CRPPA: variants seen among roughly 807,000 people sequenced by gnomAD.
The protein encoded by CRPPA is CDP-L-ribitol pyrophosphorylase A.
In CRPPA, 43 loss-of-function variants were observed where a neutral mutation model predicts 52.0. The observed-to-expected ratio is 0.83, with a 90% confidence interval of 0.65 to 1.07. The LOEUF (loss-of-function observed/expected upper bound fraction) is 1.07. CRPPA is among the 50% of genes least tolerant of loss of function. The probability of loss-of-function intolerance (pLI) is 0.00; values close to 1 mark genes in which losing one functional copy is unlikely to be tolerated. For missense variants in CRPPA, 629 were observed against 551.7 expected, an observed-to-expected ratio of 1.14 and a Z score of -1.40; for synonymous variants, 250 against 203.5, an observed-to-expected ratio of 1.23 and a Z score of -1.94.
intron 6 of CRPPA, among the ~76,000 whole-genome samples, chr7:16,259,744 T>C (rs1446437761): frequency 6.6e-6 from 1 of 151,962 alleles, no homozygotes; most frequent in East Asian, 1.9e-4. Context: ...CCACAGGAAA[T>C]CACATTTCAG....
intron 2 of CRPPA, among the ~76,000 whole-genome samples, chr7:16,385,935 T>C (rs1583567261): frequency 6.6e-6 from 1 of 152,110 alleles, no homozygotes; most frequent in Non-Finnish European, 1.5e-5. Flanking sequence ...TAGGGGTGGG[T>C]ACCCATGACT....
chr7:16,210,919 T>G (rs1339876670), intron 9 of CRPPA, among the ~76,000 whole-genome samples: 1 of 151,468 alleles, frequency 6.6e-6, no homozygotes, highest in Non-Finnish European at 1.5e-5. Context: ...AATACATCAG[T>G]AGGGTGACAA....
At chr7:16,116,070 C>T (rs1022111473) in intron 9 of CRPPA, among the ~76,000 whole-genome samples, 4 of 152,106 alleles carry the variant, frequency 2.6e-5, no homozygotes, top group East Asian at 3.9e-4. Flanking sequence ...GATTAAAAAT[C>T]GGGATATTTA....
intron 8 of CRPPA, among the ~76,000 whole-genome samples, chr7:16,230,922 G>A (rs375226219): frequency 6.6e-6 from 1 of 152,212 alleles, no homozygotes; most frequent in East Asian, 1.9e-4. Context: ...ACTGACACAA[G>A]TCTGGTGGTG....
chr7:16,297,152 T>C (rs1267299317), intron 5 of CRPPA, among the ~76,000 whole-genome samples: 1 of 152,178 alleles, frequency 6.6e-6, no homozygotes, highest in Non-Finnish European at 1.5e-5. Context: ...ATAATGGATC[T>C]TGCTCTTACC....
intron 3 of CRPPA, among the ~76,000 whole-genome samples, chr7:16,350,806 C>T (rs185914543): frequency 3.3e-5 from 5 of 152,168 alleles, no homozygotes; most frequent in Admixed American, 1.3e-4. Context: ...AATCACAAGG[C>T]GTAGAGTGTG....
At chr7:16,280,288 T>C (rs1311679305) in intron 5 of CRPPA, among the ~76,000 whole-genome samples, 3 of 152,214 alleles carry the variant, frequency 2.0e-5, no homozygotes, top group Non-Finnish European at 4.4e-5. Context: ...TAGAGTGTCC[T>C]AGGACTTTCA....
chr7:16,406,699 A>G, intron 1 of CRPPA, among the ~76,000 whole-genome samples: 1 of 152,236 alleles, frequency 6.6e-6, no homozygotes, highest in East Asian at 1.9e-4. Flanking sequence ...AAATTTTTCC[A>G]AATACTTTTC....
chr7:16,125,559 C>T (rs541541600), intron 9 of CRPPA, among the ~76,000 whole-genome samples: 1 of 152,064 alleles, frequency 6.6e-6, no homozygotes, highest in African/African-American at 2.4e-5. Flanking sequence ...AAGCTAATAG[C>T]CAAGACATGG....
chr7:16,120,943 C>T lies in CRPPA; in HGVS notation c.1252-29144G>A, dbSNP rs530501297. 2.6e-5 allele frequency among the ~76,000 whole-genome samples: 4 copies of T among 152,116 alleles called. No homozygotes were observed. In the East Asian group the frequency reaches 5.8e-4, roughly 22 times the overall value. On this transcript the variant is annotated intron_variant, in intron 9 of 9. Transcript: ENST00000407010. ...TAAGGTTGAAAGTGGTACTGGATTT[C>T]TCATTTTACACAAAGACAAGCCAAT...
chr7:16,318,844 C>A (rs1785199946), intron 3 of CRPPA, among the ~76,000 whole-genome samples: 1 of 152,176 alleles, frequency 6.6e-6, no homozygotes, highest in African/African-American at 2.4e-5. Flanking sequence ...CACCAGGAGG[C>A]CACTGCAAGG....
intron 9 of CRPPA, among the ~76,000 whole-genome samples, chr7:16,153,047 A>G (rs2128379355): frequency 6.6e-6 from 1 of 152,188 alleles, no homozygotes; most frequent in Middle Eastern, 3.4e-3. Flanking sequence ...GGGATTTTCT[A>G]TATTTGGAAT....
intron 6 of CRPPA, among the ~76,000 whole-genome samples, chr7:16,267,494 T>G (rs1783985379): frequency 6.6e-6 from 1 of 152,194 alleles, no homozygotes; most frequent in African/African-American, 2.4e-5. Context: ...CACATTAATC[T>G]AAAAGTCATC....
intron 9 of CRPPA, among the ~76,000 whole-genome samples, chr7:16,159,638 T>C (rs1783261202): frequency 6.6e-6 from 1 of 152,224 alleles, no homozygotes; most frequent in South Asian, 2.1e-4. Flanking sequence ...TTCCAAGTCT[T>C]TGCTATTGTG....
At chr7:16,259,312 T>C (rs1270153749) in intron 6 of CRPPA, among the ~76,000 whole-genome samples, 1 of 151,924 alleles carries the variant, frequency 6.6e-6, no homozygotes, top group African/African-American at 2.4e-5. Context: ...CTTATACAAA[T>C]AAATATTGAA....
intron 4 of CRPPA, among the ~76,000 whole-genome samples, chr7:16,302,044 T>C (rs979682385): frequency 6.6e-6 from 1 of 152,110 alleles, no homozygotes; most frequent in Non-Finnish European, 1.5e-5. Flanking sequence ...CTTAAAAATA[T>C]GCAACCTCTT....
intron 1 of CRPPA, among the ~76,000 whole-genome samples, chr7:16,418,575 C>T (rs894797296): frequency 3.3e-5 from 5 of 152,062 alleles, no homozygotes; most frequent in Non-Finnish European, 7.4e-5. Context: ...AAGGAAGGTG[C>T]CTTCTTCACA....
At chr7:16,116,672 A>AAAAAGG (rs1782379653) in intron 9 of CRPPA, among the ~76,000 whole-genome samples, 1 of 11,288 alleles carries the variant, frequency 8.9e-5, no homozygotes, top group Admixed American at 2.6e-3. Flanking sequence ...AAAAAAAAAA[A>AAAAAGG]AAAGGAAAGG....
chr7:16,275,548 G>A (rs985968396), intron 6 of CRPPA, among the ~76,000 whole-genome samples: 15 of 152,016 alleles, frequency 9.9e-5, no homozygotes, highest in Non-Finnish European at 2.9e-5. Flanking sequence ...GGAACAATAG[G>A]GCTAGGTGCA....
Sources: gnomAD v4.1 joint callset for allele counts (sites outside exome capture counted in the v4.1 genomes callset) on GRCh38, gnomAD v4.1.1 for gene constraint, MANE v1.5 for transcripts, NCBI Gene and HGNC (gene_info 2026-07-23, HGNC 2026-07-21) for gene names.